C7orf57: variants seen among roughly 807,000 people sequenced by gnomAD.
The protein encoded by C7orf57 is uncharacterized protein C7orf57.
Under a neutral mutation model 39.0 loss-of-function variants are expected in C7orf57, and 33 were observed. That is an observed-to-expected ratio of 0.85 (90% CI 0.64 to 1.13). C7orf57 has a LOEUF of 1.13. C7orf57 is among the 50% of genes most tolerant of loss of function. The probability of loss-of-function intolerance (pLI) is 0.00; values close to 1 mark genes in which losing one functional copy is unlikely to be tolerated. For missense variants in C7orf57, 346 were observed against 362.3 expected (o/e 0.95, Z 0.37); for synonymous variants, 124 against 137.1 (o/e 0.90, Z 0.67).
At chr7:48,050,860 G>T (rs1790853675) in intron 6 of C7orf57, among the ~76,000 whole-genome samples, 1 of 152,008 alleles carries the variant, frequency 6.6e-6, no homozygotes, top group African/African-American at 2.4e-5. Flanking sequence ...GTAGAGACAA[G>T]ATCTCACTAT....
intron 6 of C7orf57, among the ~76,000 whole-genome samples, chr7:48,051,794 CT>C (rs1292729799): frequency 3.3e-4 from 22 of 67,198 alleles, no homozygotes; most frequent in East Asian, 2.3e-3. Flanking sequence ...TTCTTTCTTT[CT>C]TTCCTTCCTT....
At chr7:48,052,037 G>A (rs1341085997) in intron 6 of C7orf57, among the ~76,000 whole-genome samples, 3 of 146,948 alleles carry the variant, frequency 2.0e-5, no homozygotes, top group Non-Finnish European at 3.0e-5. Flanking sequence ...GCAGTGGCAC[G>A]ATCTTGGCTC....
chr7:48,051,967 C>A (rs1166476859), intron 6 of C7orf57, among the ~76,000 whole-genome samples: 2 of 109,374 alleles, frequency 1.8e-5, no homozygotes, highest in Non-Finnish European at 3.8e-5. Flanking sequence ...TTTTTTCTCT[C>A]TCTCTTCTTT....
chr7:48,054,537 T>A, intron 7 of C7orf57, 58 bp from the exon 8 acceptor site: 1 of 1,412,214 alleles, frequency 7.1e-7, no homozygotes, highest in South Asian at 1.3e-5. Context: ...AATTATGACT[T>A]CTTTTAATAC....
At chr7:48,038,421 A>AGAT (rs1790452483) in intron 2 of C7orf57, among the ~76,000 whole-genome samples, 2 of 109,396 alleles carry the variant, frequency 1.8e-5, no homozygotes, top group African/African-American at 3.0e-5. Flanking sequence ...GATAGATAGA[A>AGAT]AGGGAGAGAG....
rs747213747 is a variant in C7orf57, at chr7:48,036,359, C to T, written c.51C>T (p.Pro17=). 1.5e-5 allele frequency: 24 copies of T among 1,585,408 alleles called. No homozygotes were observed. In the South Asian group the frequency reaches 1.7e-4, roughly 11 times the overall value. Residue 17 remains proline, a synonymous_variant, in exon 2 of 9, where the codon CCC becomes CCT. Transcript: ENST00000348904. ...AGGGCGCCACGCACCGCTACGCTCCCTGCGGTGAGTGCGCCCTGAGCGCGT... is the reference window on the plus strand; with the variant it reads ...AGGGCGCCACGCACCGCTACGCTCCTTGCGGTGAGTGCGCCCTGAGCGCGT... The part of the protein sequence containing the change: ...ELQGATHRYA[P]CDWYYHVPVK...
chr7:48,053,698 G>C (rs773435847), intron 7 of C7orf57, among the ~76,000 whole-genome samples: 8 of 152,064 alleles, frequency 5.3e-5, no homozygotes, highest in Non-Finnish European at 1.2e-4. Context: ...CAATTCTTTT[G>C]CCTCTGCCTT....
At chr7:48,044,021 T>TA (rs1248661118) in intron 4 of C7orf57, among the ~76,000 whole-genome samples, 1 of 152,120 alleles carries the variant, frequency 6.6e-6, no homozygotes, top group Non-Finnish European at 1.5e-5. Context: ...GTTATAGCTC[T>TA]ATGAGAAGCT....
At chr7:48,036,031 G>T (rs1790345390) in intron 1 of C7orf57, among the ~76,000 whole-genome samples, 177 bp from the exon 2 acceptor site, 1 of 152,034 alleles carries the variant, frequency 6.6e-6, no homozygotes, top group African/African-American at 2.4e-5. Context: ...GCGTGCGTGT[G>T]TTCCTGCTGT....
chr7:48,051,271 T>G (rs1262452999), intron 6 of C7orf57, among the ~76,000 whole-genome samples: 2 of 150,664 alleles, frequency 1.3e-5, no homozygotes, highest in Non-Finnish European at 2.9e-5. Flanking sequence ...AGCCTCCACC[T>G]CTCAGGTTCA....
At chr7:48,048,807 G>A (rs958789006) in intron 5 of C7orf57, among the ~76,000 whole-genome samples, 4 of 151,788 alleles carry the variant, frequency 2.6e-5, no homozygotes, top group Admixed American at 2.6e-4. Context: ...GGACAGTGCA[G>A]GAACATCGCC....
At chr7:48,045,754 A>G (rs556473771) in intron 4 of C7orf57, among the ~76,000 whole-genome samples, 2 of 152,112 alleles carry the variant, frequency 1.3e-5, no homozygotes, top group Admixed American at 6.5e-5. Context: ...AAACCTGGTT[A>G]TGTGTACAGA....
rs1791270510 is a variant in C7orf57, at chr7:48,060,858, ATT to A, written c.*588_*589del. ...CAAACTGATATTCAAAATATTAAACATTTGTTATTTTGTATAAACCTTTAAGT... is the reference window on the plus strand; with the variant it reads ...CAAACTGATATTCAAAATATTAAACATGTTATTTTGTATAAACCTTTAAGT... On this transcript the variant is annotated 3_prime_UTR_variant, in exon 9 of 9. Coordinates refer to ENST00000348904, the MANE Select transcript of C7orf57 (RefSeq NM_001100159.3). The A allele has an allele frequency of 6.6e-6, 1 of 152,164 alleles. No homozygotes were observed. The highest frequency in any genetic ancestry group is 6.5e-5 in the Admixed American group (1 of 15,282). 9.4% of individuals were successfully genotyped at this position (152,164 alleles called of 1,614,324 possible).
At chr7:48,043,681 G>T in intron 4 of C7orf57, 92 bp downstream of exon 4, 1 of 976,810 alleles carries the variant, frequency 1.0e-6, no homozygotes, top group Middle Eastern at 2.1e-4. Context: ...TCTAATAGTG[G>T]TAGCAAGCAT....
chr7:48,056,979 A>G (rs1280094883), intron 8 of C7orf57, among the ~76,000 whole-genome samples: 2 of 151,212 alleles, frequency 1.3e-5, no homozygotes, highest in Admixed American at 6.6e-5. Context: ...CCACTGATCT[A>G]TACTTCCATT....
chr7:48,054,627 C>A lies in C7orf57; in HGVS notation c.841+21C>A, dbSNP rs557646346. The A allele has an allele frequency of 2.6e-6, 4 of 1,546,262 alleles. No individual in the cohort carries two copies. The South Asian group carries it at 4.8e-5, about 18-fold the overall frequency. ...TCAAAGTGAGTACTTATAAAGTAAC[C>A]AGCACCAAAACACAAAAAGTCTTAC... On this transcript the variant is annotated intron_variant, in intron 8 of 8. Transcript: ENST00000348904.
At chr7:48,055,432 A>G (rs1340229985) in intron 8 of C7orf57, among the ~76,000 whole-genome samples, 1 of 152,338 alleles carries the variant, frequency 6.6e-6, no homozygotes, top group East Asian at 1.9e-4. Flanking sequence ...TAAAATATCC[A>G]TTACCTCAAA....
chr7:48,051,863 CTTTCTTTCTCTTTCTCTT>C lies in C7orf57; in HGVS notation c.606-835_606-818del, dbSNP rs1790948394. Among the ~76,000 whole-genome samples, 2 of 55,562 alleles carry C rather than the reference CTTTCTTTCTCTTTCTCTT, an allele frequency of 3.6e-5. 1 individual carries two copies. The highest frequency in any genetic ancestry group is 6.9e-5 in the Non-Finnish European group (2 of 29,024). 36.5% of individuals were successfully genotyped at this position (55,562 alleles called of 152,430 possible). Reference sequence around the variant, plus strand: ...TCTTTCTTTCTTTCTTTCTTTCTTTCTTTCTTTCTCTTTCTCTTTCTTTCTTTCCTTCCTTCCTTCCTT... The same window carrying C: ...TCTTTCTTTCTTTCTTTCTTTCTTTCTCTTTCTTTCCTTCCTTCCTTCCTT... On this transcript the variant is annotated intron_variant, in intron 6 of 8. Transcript: ENST00000348904.
intron 5 of C7orf57, among the ~76,000 whole-genome samples, chr7:48,047,053 G>A (rs1790739106): frequency 6.6e-6 from 1 of 152,210 alleles, no homozygotes. Flanking sequence ...TCCTGGTGGT[G>A]TATTTGATCA....
Sources: gnomAD v4.1 joint callset for allele counts (sites outside exome capture counted in the v4.1 genomes callset) on GRCh38, gnomAD v4.1.1 for gene constraint, MANE v1.5 for transcripts, NCBI Gene and HGNC (gene_info 2026-07-23, HGNC 2026-07-21) for gene names.